The following DDX1 variants were observed in gnomAD, a reference collection of about 807,000 sequenced individuals.
DDX1 encodes the protein ATP-dependent RNA helicase DDX1.
DDX1 carries 28 observed loss-of-function variants against 108.7 expected under a neutral mutation model. The observed-to-expected ratio is 0.26, with a 90% confidence interval of 0.19 to 0.35. The LOEUF is 0.35. DDX1 is among the 10% of genes least tolerant of loss of function. The pLI is 1.00. For synonymous variants in DDX1, 295 were observed against 288.9 expected, an observed-to-expected ratio of 1.02 and a Z score of -0.21; for missense variants, 710 against 884.5, an observed-to-expected ratio of 0.80 and a Z score of 2.50.
At chr2:15,597,284 T>C in intron 4 of DDX1, 91 bp from the exon 5 acceptor site, 3 of 773,130 alleles carry the variant, frequency 3.9e-6, no homozygotes, top group Non-Finnish European at 6.4e-6. Context: ...GATTAGTTGA[T>C]GTGTGTGCAT....
At chr2:15,605,614 T>C (rs545400392) in intron 10 of DDX1, among the ~76,000 whole-genome samples, 1 of 152,238 alleles carries the variant, frequency 6.6e-6, no homozygotes, top group African/African-American at 2.4e-5. Flanking sequence ...GGAGTTTCAC[T>C]ACAAAAGGGA....
chr2:15,617,369 T>A (rs1452124665), intron 15 of DDX1, 27 bp downstream of exon 15: 23 of 1,389,292 alleles, frequency 1.7e-5, no homozygotes, highest in Non-Finnish European at 2.2e-5. Flanking sequence ...TCATACTTTT[T>A]AAAAAGTTTA....
At chr2:15,628,373 A>C (rs1666136462) in intron 20 of DDX1, 72 bp from the exon 21 acceptor site, 1 of 1,141,968 alleles carries the variant, frequency 8.8e-7, no homozygotes, top group Non-Finnish European at 1.3e-6. Context: ...ATTTAGTGGA[A>C]GGATAGCATT....
At chr2:15,600,465 C>G (rs865853133) in intron 6 of DDX1, among the ~76,000 whole-genome samples, 1 of 152,208 alleles carries the variant, frequency 6.6e-6, no homozygotes. Context: ...ACAGTTCCTT[C>G]ACACTATACC....
chr2:15,624,846 A>G (rs2148749206), intron 19 of DDX1, among the ~76,000 whole-genome samples: 1 of 152,308 alleles, frequency 6.6e-6, no homozygotes, highest in South Asian at 2.1e-4. Flanking sequence ...GTTGTTGAGA[A>G]TAGATTGTTG....
intron 13 of DDX1, among the ~76,000 whole-genome samples, chr2:15,608,651 GTTTTTTTTTAGGTTTTTTT>G (rs1388835994): frequency 1.8e-4 from 23 of 125,168 alleles, no homozygotes; most frequent in African/African-American, 6.5e-4. Flanking sequence ...AAAAGCCTGT[GTTTTTTTTTAGGTTTTTTT>G]TTTTTTTTTT....
chr2:15,604,960 G>A (rs1026046541), intron 10 of DDX1, among the ~76,000 whole-genome samples: 1 of 152,286 alleles, frequency 6.6e-6, no homozygotes, highest in Non-Finnish European at 1.5e-5. Context: ...AGATGGAAGC[G>A]TGCTTGAGGT....
At position 15,603,798 on chromosome 2, in the gene DDX1, T is replaced by C; in HGVS notation, c.476-16T>C. 1.3e-6 allele frequency: 2 copies of C among 1,560,426 alleles called. No homozygotes were observed. Among genetic ancestry groups the C allele is most frequent in the Non-Finnish European group, 1.7e-6 (2 of 1,144,240 alleles). Reference sequence around the variant, plus strand: ...ATTTTCTCTTACCAGAAAAGTAAAATATTTTTTAAATCTAGGTACTGACAA... The same window carrying C: ...ATTTTCTCTTACCAGAAAAGTAAAACATTTTTTAAATCTAGGTACTGACAA... On this transcript the variant is annotated splice_polypyrimidine_tract_variant and intron_variant, in intron 8 of 25. Coordinates refer to ENST00000233084, the MANE Select transcript of DDX1 (RefSeq NM_004939.3).
chr2:15,613,198 T>TTC (rs772782304), intron 13 of DDX1, 26 bp from the exon 14 acceptor site: 9 of 1,481,418 alleles, frequency 6.1e-6, no homozygotes, highest in Non-Finnish European at 8.3e-6. Flanking sequence ...TTTTTTTTTA[T>TTC]ATTATCATCT....
At chr2:15,611,895 GC>G (rs1665771672) in intron 13 of DDX1, among the ~76,000 whole-genome samples, 1 of 98,114 alleles carries the variant, frequency 1.0e-5, no homozygotes, top group Admixed American at 8.8e-5. Context: ...CCCGGACGGG[GC>G]GGCTGGCCGG....
chr2:15,608,463 G>A (rs930604033), intron 13 of DDX1, among the ~76,000 whole-genome samples: 5 of 151,112 alleles, frequency 3.3e-5, no homozygotes, highest in South Asian at 4.2e-4. Context: ...GGAGGTGGAG[G>A]TTGCATTGAG....
intron 13 of DDX1, among the ~76,000 whole-genome samples, chr2:15,610,818 G>A (rs1332056026): frequency 7.2e-6 from 1 of 139,798 alleles, no homozygotes; most frequent in African/African-American, 3.0e-5. Context: ...AATAGATACA[G>A]CTACGGGGAT....
Position 15,604,439 on chromosome 2 carries a change from A to G in DDX1, c.555A>G (p.Glu185=), listed in dbSNP as rs1178898752. The G allele has an allele frequency of 1.2e-6, 2 of 1,604,366 alleles. No individual in the cohort carries two copies. The highest frequency in any genetic ancestry group is 8.5e-7 in the Non-Finnish European group (1 of 1,172,276). ...HNKQFDNYGE[E]FTMHDTIGCY... ...CATTTGACTTTCTGGTGTTCTAGGA[A>G]TTCACTATGCATGATACCATTGGAT... Residue 185 remains glutamate (E), a splice_region_variant and synonymous_variant, in exon 10 of 26, where the codon GAA becomes GAG. Coordinates refer to ENST00000233084, the MANE Select transcript of DDX1 (RefSeq NM_004939.3).
Position 15,618,219 on chromosome 2 carries a change from T to C in DDX1, c.1155T>C (p.Asn385=), listed in dbSNP as rs752882188. ...LLSQGYSDFI[N]RMHNQIPQVT... ...CTCAAGGTTATTCTGATTTTATAAA[T>C]AGGATGCACAATCAGATTCCTCAGG... The change falls in exon 16 of 26, where the codon AAT becomes AAC. Residue 385 remains asparagine (N), a synonymous_variant. Coordinates refer to ENST00000233084, the MANE Select transcript of DDX1 (RefSeq NM_004939.3). The C allele has an allele frequency of 6.3e-7, 1 of 1,590,732 alleles. No individual in the cohort carries two copies. The highest frequency in any genetic ancestry group is 8.6e-7 in the Non-Finnish European group (1 of 1,163,564).
intron 2 of DDX1, 138 bp from the exon 3 acceptor site, chr2:15,595,352 C>T: frequency 1.1e-6 from 1 of 910,458 alleles, no homozygotes; most frequent in Non-Finnish European, 1.7e-6. Context: ...CTTTTTTTAA[C>T]CTTGACATAT....
chr2:15,629,702 G>A lies in DDX1; in HGVS notation c.1971+5G>A. ...ATATGGTACAACGAGATGCAGGTAAGACTTCGAGTTAGGCTCACAAATAAT... is the reference window on the plus strand; with the variant it reads ...ATATGGTACAACGAGATGCAGGTAAAACTTCGAGTTAGGCTCACAAATAAT... On this transcript the variant is annotated splice_donor_5th_base_variant and intron_variant, in intron 24 of 25. Transcript: ENST00000233084. 6.4e-7 allele frequency: 1 copy of A among 1,550,834 alleles called. No homozygotes were observed. The highest frequency in any genetic ancestry group is 8.7e-7 in the Non-Finnish European group (1 of 1,155,856).
chr2:15,611,326 T>C (rs1353549876), intron 13 of DDX1, among the ~76,000 whole-genome samples: 1 of 151,252 alleles, frequency 6.6e-6, no homozygotes, highest in African/African-American at 2.4e-5. Flanking sequence ...CCCACTCTTT[T>C]CCCCACCTCT....
rs1665557579 is a variant in DDX1 at position 15,599,673 on chromosome 2, G to A, written c.264G>A (p.Leu88=). 1 of 1,605,614 alleles carries A rather than the reference G, an allele frequency of 6.2e-7. No individual in the cohort carries two copies. The highest frequency in any genetic ancestry group is 2.2e-5 in the East Asian group (1 of 44,450). ...TTCTTATTTTAATTTGTTTAGTGCT[G>A]AACAAATGGCAGATGAACCCATATG... is the stretch of plus-strand genomic sequence containing the variant. The part of the protein sequence containing the change: ...KTTIKTGASV[L]NKWQMNPYDR... The change falls in exon 6 of 26, where the codon CTG becomes CTA. Residue 88 remains leucine, a synonymous_variant. Coordinates refer to ENST00000233084, the MANE Select transcript of DDX1 (RefSeq NM_004939.3).
intron 6 of DDX1, 35 bp downstream of exon 6, chr2:15,599,751 A>G (rs769086510): frequency 6.7e-7 from 1 of 1,496,238 alleles, no homozygotes; most frequent in East Asian, 2.3e-5. Flanking sequence ...CTCATTTGTA[A>G]TTCAGAAACT....
Sources: gnomAD v4.1 joint callset for allele counts (sites outside exome capture counted in the v4.1 genomes callset) on GRCh38, gnomAD v4.1.1 for gene constraint, MANE v1.5 for transcripts, NCBI Gene and HGNC (gene_info 2026-07-23, HGNC 2026-07-21) for gene names.